The following RBMS3 variants were observed in gnomAD, a reference collection of about 807,000 sequenced individuals.
RBMS3 encodes RNA-binding motif, single-stranded-interacting protein 3.
In RBMS3, 27 loss-of-function variants were observed where a neutral mutation model predicts 66.8. That is an observed-to-expected ratio of 0.40 (90% confidence interval 0.30 to 0.56). The LOEUF (loss-of-function observed/expected upper bound fraction) is 0.56, where lower values mean the gene tolerates loss of function less well. Ranked by LOEUF, RBMS3 falls within the 20% of genes least tolerant of loss-of-function variation. The pLI is 0.40. For missense variants in RBMS3, 513 were observed against 549.5 expected, an observed-to-expected ratio of 0.93 and a Z score of 0.66; for synonymous variants, 188 against 183.0, an observed-to-expected ratio of 1.03 and a Z score of -0.22.
At chr3:29,519,390 A>G (rs1002636661) in intron 3 of RBMS3, among the ~76,000 whole-genome samples, 26 of 152,190 alleles carry the variant, frequency 1.7e-4, no homozygotes, top group African/African-American at 5.8e-4. Context: ...TGCAAGGTGA[A>G]GAAGAGGAAG....
At chr3:29,764,072 C>A (rs961136052) in intron 6 of RBMS3, among the ~76,000 whole-genome samples, 1 of 151,634 alleles carries the variant, frequency 6.6e-6, no homozygotes, top group East Asian at 1.9e-4. Context: ...GAAGCATATA[C>A]AAAAAGAGAA....
intron 4 of RBMS3, among the ~76,000 whole-genome samples, chr3:29,702,389 A>G (rs895598941): frequency 6.6e-6 from 1 of 152,162 alleles, no homozygotes; most frequent in African/African-American, 2.4e-5. Context: ...AAACAGACCA[A>G]TCAGGTCTCT....
chr3:29,514,647 GCA>G (rs1491468146), intron 3 of RBMS3, among the ~76,000 whole-genome samples: 7 of 39,242 alleles, frequency 1.8e-4, no homozygotes, highest in Non-Finnish European at 2.8e-4. Context: ...TGTGTGATAG[GCA>G]CATATATATA....
In RBMS3 at chr3:29,482,697, C is replaced by CTTTTTT. The variant is rs1216159878; in HGVS notation, c.249-5741_249-5740insTTTTTT. On this transcript the variant is annotated intron_variant, in intron 2 of 14. Transcript: ENST00000383767. ...ACACAGTCTACCATTTTCTTTCTTT[C>CTTTTTT]TTTCTTTTTTTTTTTTTTTTTTTTT... 1.2e-4 allele frequency among the ~76,000 whole-genome samples: 11 copies of CTTTTTT among 92,926 alleles called. 1 individual carries two copies. The highest frequency in any genetic ancestry group is 2.7e-4 in the African/African-American group (6 of 22,060). 61.0% of individuals were successfully genotyped at this position (92,926 alleles called of 152,430 possible). A position where few individuals can be genotyped will look rare whatever the true frequency, so the allele number is the denominator to read the frequency against.
intron 4 of RBMS3, among the ~76,000 whole-genome samples, chr3:29,721,915 C>A (rs2053658960): frequency 6.6e-6 from 1 of 152,102 alleles, no homozygotes; most frequent in Non-Finnish European, 1.5e-5. Flanking sequence ...TTGCCTAAAA[C>A]CTTTAGTGGA....
intron 13 of RBMS3, among the ~76,000 whole-genome samples, chr3:29,990,751 A>G (rs535718554): frequency 5.9e-5 from 9 of 152,312 alleles, no homozygotes; most frequent in African/African-American, 1.9e-4. Flanking sequence ...ACAAGTTTGT[A>G]TAGGAATCCT....
intron 1 of RBMS3, among the ~76,000 whole-genome samples, chr3:29,415,943 A>T (rs992360919): frequency 6.6e-6 from 1 of 152,170 alleles, no homozygotes; most frequent in Non-Finnish European, 1.5e-5. Flanking sequence ...CCATCAGGAA[A>T]AGTGTCCAAA....
chr3:29,410,690 T>C (rs2040227565), intron 1 of RBMS3, among the ~76,000 whole-genome samples: 1 of 152,220 alleles, frequency 6.6e-6, no homozygotes, highest in African/African-American at 2.4e-5. Flanking sequence ...AAATTCTGAA[T>C]AGAAAGTACA....
At chr3:29,312,680 G>C (rs573953572) in intron 1 of RBMS3, among the ~76,000 whole-genome samples, 13 of 150,158 alleles carry the variant, frequency 8.7e-5, no homozygotes, top group South Asian at 4.2e-4. Context: ...TTCTCTCTCT[G>C]TCTTCTTTTC....
intron 1 of RBMS3, among the ~76,000 whole-genome samples, chr3:29,366,945 T>C (rs2125593343): frequency 6.6e-6 from 1 of 152,244 alleles, no homozygotes; most frequent in South Asian, 2.1e-4. Flanking sequence ...AAAACAATTA[T>C]AAAGGCTGAT....
chr3:29,365,950 G>GTA (rs2037877324), intron 1 of RBMS3, among the ~76,000 whole-genome samples: 1 of 152,076 alleles, frequency 6.6e-6, no homozygotes, highest in African/African-American at 2.4e-5. Context: ...TACTCTCTGG[G>GTA]AACCTCATAT....
At chr3:29,865,249 T>C (rs577456953) in intron 6 of RBMS3, among the ~76,000 whole-genome samples, 1 of 152,116 alleles carries the variant, frequency 6.6e-6, no homozygotes, top group African/African-American at 2.4e-5. Flanking sequence ...TATGGAAATA[T>C]GAGCCTATAG....
chr3:29,281,850 A>AC (rs2031822401), intron 1 of RBMS3, 94 bp downstream of exon 1: 1 of 986,922 alleles, frequency 1.0e-6, no homozygotes, highest in East Asian at 2.6e-5. Context: ...GTTAACCCCC[A>AC]CCCCCATCAC....
At chr3:29,865,133 G>A (rs2059327728) in intron 6 of RBMS3, among the ~76,000 whole-genome samples, 1 of 151,548 alleles carries the variant, frequency 6.6e-6, no homozygotes, top group Non-Finnish European at 1.5e-5. Flanking sequence ...AGGAAGGAAG[G>A]AAATTTGCCT....
chr3:29,898,253 C>T (rs938757588), intron 9 of RBMS3, among the ~76,000 whole-genome samples: 5 of 151,736 alleles, frequency 3.3e-5, no homozygotes, highest in South Asian at 2.1e-4. Flanking sequence ...AATTAGAAAA[C>T]GCCTATATAT....
intron 4 of RBMS3, among the ~76,000 whole-genome samples, chr3:29,648,696 A>G (rs572305194): frequency 9.3e-5 from 14 of 150,474 alleles, no homozygotes; most frequent in Middle Eastern, 3.4e-3. Flanking sequence ...AAGGAAAACA[A>G]TTCTGTAGAA....
chr3:29,481,945 A>G (rs1015749493), intron 2 of RBMS3, among the ~76,000 whole-genome samples: 11 of 152,212 alleles, frequency 7.2e-5, no homozygotes, highest in Non-Finnish European at 1.3e-4. Flanking sequence ...TCATTTTTAC[A>G]GTTGCTATAG....
At chr3:29,668,119 A>G (rs1212257441) in intron 4 of RBMS3, among the ~76,000 whole-genome samples, 1 of 152,220 alleles carries the variant, frequency 6.6e-6, no homozygotes, top group East Asian at 1.9e-4. Flanking sequence ...AGACAGAAAA[A>G]CACAAAACAC....
At chr3:29,414,987 A>G (rs1575752623) in intron 1 of RBMS3, among the ~76,000 whole-genome samples, 1 of 152,146 alleles carries the variant, frequency 6.6e-6, no homozygotes, top group Non-Finnish European at 1.5e-5. Context: ...TTTTTCTCCC[A>G]TAATAGAATA....
Sources: allele counts gnomAD v4.1 joint callset (sites outside exome capture counted in the v4.1 genomes callset), GRCh38; gene constraint gnomAD v4.1.1; transcripts MANE v1.5; gene names NCBI Gene and HGNC (gene_info 2026-07-23, HGNC 2026-07-21).